Variants in B3GAT1 observed in about 807,000 individuals in gnomAD.
B3GAT1 encodes beta-1,3-glucuronyltransferase 1.
B3GAT1 carries 11 observed loss-of-function variants against 28.4 expected under a neutral mutation model. The observed-to-expected ratio is 0.39, with a 90% CI of 0.24 to 0.64. B3GAT1 has a LOEUF of 0.64. Among genes scored for constraint, B3GAT1 ranks in the 30% least tolerant of loss-of-function variants. The probability of loss-of-function intolerance (pLI) is 0.50; values close to 1 mark genes in which losing one functional copy is unlikely to be tolerated. For missense variants in B3GAT1, 375 were observed against 491.0 expected, an observed-to-expected ratio of 0.76 and a Z score of 2.23; for synonymous variants, 255 against 223.1, an observed-to-expected ratio of 1.14 and a Z score of -1.27.
chr11:134,407,028 C>T (rs1441466083), intron 1 of B3GAT1, among the ~76,000 whole-genome samples: 3 of 152,238 alleles, frequency 2.0e-5, no homozygotes, highest in East Asian at 3.8e-4. Context: ...TAGAACTTTC[C>T]GTGCTGCCGG....
At position 134,387,629 on chromosome 11, in the gene B3GAT1, C is replaced by T. The variant is rs144109297; in HGVS notation, c.31G>A (p.Val11Ile). 130 of 1,614,014 alleles carry T rather than the reference C, an allele frequency of 8.1e-5. No homozygotes were observed. Among genetic ancestry groups the T allele is most frequent in the African/African-American group, 5.1e-4 (38 of 74,924 alleles). Residue 11 changes from valine (V) to isoleucine (I), a missense_variant, in exon 2 of 6, where the codon GTC becomes ATC. Transcript: ENST00000312527. ...AGAGTCCAGGGCAGCACGATGAGGA[C>T]GATCGCTAGGATGTCCCGTCTCTTC... is the stretch of plus-strand genomic sequence containing the variant. MPKRRDILAIVLIVLPWTLLI... is the reference protein window; with the variant it reads MPKRRDILAIILIVLPWTLLI...
At chr11:134,396,093 G>C (rs1406670607) in intron 1 of B3GAT1, among the ~76,000 whole-genome samples, 2 of 152,208 alleles carry the variant, frequency 1.3e-5, no homozygotes, top group African/African-American at 4.8e-5. Flanking sequence ...AAGGGATCTA[G>C]AGCCAATCTG....
chr11:134,385,886 T>A (rs1319441461), intron 2 of B3GAT1: 1 of 152,216 alleles, frequency 6.6e-6, no homozygotes. Context: ...GGAGACAGAA[T>A]GCCAAGTCCC....
At chr11:134,394,157 C>T (rs902969759) in intron 1 of B3GAT1, among the ~76,000 whole-genome samples, 1 of 152,210 alleles carries the variant, frequency 6.6e-6, no homozygotes, top group African/African-American at 2.4e-5. Context: ...TCCTCCTTTG[C>T]CCTGGTCACC....
At chr11:134,387,416 T>C (rs1023090725) in intron 2 of B3GAT1, 132 bp downstream of exon 2, 49 of 1,215,176 alleles carry the variant, frequency 4.0e-5, no homozygotes, top group Non-Finnish European at 5.1e-5. Context: ...GCAAGACTCA[T>C]GAAGGGGCCT....
intron 1 of B3GAT1, among the ~76,000 whole-genome samples, chr11:134,394,378 G>A (rs1944466375): frequency 6.6e-6 from 1 of 152,330 alleles, no homozygotes; most frequent in East Asian, 1.9e-4. Flanking sequence ...ACTGCGTTAG[G>A]TGTCAGCAGA....
chr11:134,398,947 A>G (rs116315220), intron 1 of B3GAT1, among the ~76,000 whole-genome samples: 2 of 152,156 alleles, frequency 1.3e-5, no homozygotes, highest in African/African-American at 4.8e-5. Flanking sequence ...TGATATGATA[A>G]TGGATCAACT....
At chr11:134,396,963 G>C (rs553965704) in intron 1 of B3GAT1, among the ~76,000 whole-genome samples, 1 of 152,310 alleles carries the variant, frequency 6.6e-6, no homozygotes, top group South Asian at 2.1e-4. Context: ...TACACCTCTT[G>C]TTGTCTGGCA....
At chr11:134,398,804 G>A (rs973501402) in intron 1 of B3GAT1, among the ~76,000 whole-genome samples, 1 of 152,224 alleles carries the variant, frequency 6.6e-6, no homozygotes, top group Non-Finnish European at 1.5e-5. Context: ...CTAGCTGTGT[G>A]CTCCGGGCAG....
At chr11:134,399,494 G>T (rs977489200) in intron 1 of B3GAT1, among the ~76,000 whole-genome samples, 2 of 152,218 alleles carry the variant, frequency 1.3e-5, no homozygotes, top group African/African-American at 2.4e-5. Flanking sequence ...AGAGTGTGAG[G>T]CACATTCTGC....
intron 1 of B3GAT1, among the ~76,000 whole-genome samples, chr11:134,397,605 C>T (rs1272068181): frequency 1.3e-5 from 2 of 150,776 alleles, no homozygotes; most frequent in Admixed American, 6.6e-5. Context: ...GAGGGCAGTG[C>T]CCCATTCCCA....
intron 1 of B3GAT1, among the ~76,000 whole-genome samples, chr11:134,399,817 T>C (rs1374057379): frequency 6.6e-6 from 1 of 152,128 alleles, no homozygotes; most frequent in African/African-American, 2.4e-5. Flanking sequence ...GCACAGGTCA[T>C]GGTGACTGAC....
chr11:134,398,116 C>T (rs530234279), intron 1 of B3GAT1, among the ~76,000 whole-genome samples: 3 of 152,304 alleles, frequency 2.0e-5, no homozygotes, highest in South Asian at 2.1e-4. Context: ...CAGAACTGCC[C>T]GCCTGAGTGA....
intron 1 of B3GAT1, among the ~76,000 whole-genome samples, chr11:134,392,836 G>GA (rs1380962085): frequency 2.6e-5 from 4 of 152,206 alleles, no homozygotes; most frequent in African/African-American, 9.7e-5. Flanking sequence ...TAAAAGCATG[G>GA]AAAGGTTTTC....
At chr11:134,383,153 C>G in intron 3 of B3GAT1, 147 bp from the exon 4 acceptor site, 3 of 893,470 alleles carry the variant, frequency 3.4e-6, no homozygotes, top group Non-Finnish European at 4.9e-6. Flanking sequence ...ACAGCCCTGC[C>G]CCCAGGACCC....
chr11:134,407,007 ACT>A (rs1256497474), intron 1 of B3GAT1, among the ~76,000 whole-genome samples: 2 of 151,930 alleles, frequency 1.3e-5, no homozygotes, highest in African/African-American at 4.8e-5. Flanking sequence ...GGTCCACAAC[ACT>A]CTGCCCACTA....
At position 134,384,199 on chromosome 11, in the gene B3GAT1, G is replaced by T; in HGVS notation, c.113-11C>A. The T allele has an allele frequency of 6.6e-7, 1 of 1,525,764 alleles. No individual in the cohort carries two copies. The highest frequency in any genetic ancestry group is 8.8e-7 in the Non-Finnish European group (1 of 1,137,604). The allele number at this position is 1,525,764 out of a possible 1,614,324, so 94.5% of individuals were successfully genotyped here. A position where few individuals can be genotyped will look rare whatever the true frequency, so the allele number is the denominator to read the frequency against. On this transcript the variant is annotated splice_polypyrimidine_tract_variant and intron_variant, in intron 2 of 5. Transcript: ENST00000312527. ...GGTCACTGCCCTCATCTGCGGAGTC[G>T]GGAGACCGGCGATGTGGGAGGAGAG...
At chr11:134,387,475 C>A in intron 2 of B3GAT1, 73 bp downstream of exon 2, 2 of 1,583,124 alleles carry the variant, frequency 1.3e-6, no homozygotes, top group Non-Finnish European at 1.7e-6. Flanking sequence ...CAAGCAAGAA[C>A]CCTGCGTGTC....
In B3GAT1 at chr11:134,383,916, G is replaced by A. The variant is rs1222494040; in HGVS notation, c.385C>T (p.Leu129=). ...GTGTCGCGCAGCAGGCGCGCGGTCA[G>A]CGGCGTCCGGCGCGGCGCATCCTCC... ...VVEDAPRRTP[L]TARLLRDTGL... Residue 129 remains leucine (L), a synonymous_variant, in exon 3 of 6, where the codon CTG becomes TTG. Transcript: ENST00000312527. 1 of 1,595,734 alleles carries A rather than the reference G, an allele frequency of 6.3e-7. No individual in the cohort carries two copies. Among genetic ancestry groups the A allele is most frequent in the South Asian group, 1.1e-5 (1 of 90,272 alleles).
Sources: allele counts gnomAD v4.1 joint callset (sites outside exome capture counted in the v4.1 genomes callset), GRCh38; gene constraint gnomAD v4.1.1; transcripts MANE v1.5; gene names NCBI Gene and HGNC (gene_info 2026-07-23, HGNC 2026-07-21).